The following SLC7A1 variants were observed in gnomAD, a reference collection of about 807,000 sequenced individuals.
SLC7A1 encodes high affinity cationic amino acid transporter 1.
SLC7A1 carries 10 observed loss-of-function variants against 53.9 expected under a neutral mutation model. The ratio of observed to expected loss-of-function variants is 0.19; its 90% CI spans 0.11 to 0.31. The LOEUF (loss-of-function observed/expected upper bound fraction) is 0.31. Ranked by LOEUF, SLC7A1 falls within the 10% of genes least tolerant of loss-of-function variation. The probability of loss-of-function intolerance (pLI) is 1.00; values close to 1 mark genes in which losing one functional copy is unlikely to be tolerated. For missense variants in SLC7A1, 525 were observed against 827.2 expected, an observed-to-expected ratio of 0.63 and a Z score of 4.48; for synonymous variants, 342 against 338.7, an observed-to-expected ratio of 1.01 and a Z score of -0.11.
chr13:29,572,437 CA>C (rs1421478179), intron 1 of SLC7A1, among the ~76,000 whole-genome samples: 1 of 152,174 alleles, frequency 6.6e-6, no homozygotes, highest in African/African-American at 2.4e-5. Context: ...GCTGGAAAGA[CA>C]GAGGGTGGGG....
Position 29,514,159 on chromosome 13 carries a change from G to C in SLC7A1, c.*321C>G. On this transcript the variant is annotated 3_prime_UTR_variant, in exon 13 of 13. Coordinates refer to ENST00000380752, the MANE Select transcript of SLC7A1 (RefSeq NM_003045.5). ...AAGATAAGGAGAGAAGGTGACCTCC[G>C]TTCTGCCTGAGGCTGCGGCAGCTCG... 5.9e-6 allele frequency: 2 copies of C among 339,770 alleles called. No individual in the cohort carries two copies. The allele number at this position is 339,770 out of a possible 1,614,324, so 21.0% of individuals were successfully genotyped here.
At chr13:29,523,182 G>C (rs78005753) in intron 7 of SLC7A1, 84 bp downstream of exon 7, 4 of 1,104,464 alleles carry the variant, frequency 3.6e-6, no homozygotes, top group East Asian at 2.4e-5. Context: ...TGTGTGTCTC[G>C]CATGGCTGTA....
intron 8 of SLC7A1, among the ~76,000 whole-genome samples, chr13:29,521,973 T>C (rs746344990): frequency 3.9e-5 from 6 of 152,216 alleles, no homozygotes; most frequent in Non-Finnish European, 5.9e-5. Context: ...TCCCTTGGCC[T>C]GTGTCATGCA....
At chr13:29,555,186 G>A (rs918046268) in intron 1 of SLC7A1, among the ~76,000 whole-genome samples, 6 of 148,500 alleles carry the variant, frequency 4.0e-5, no homozygotes, top group Non-Finnish European at 7.4e-5. Context: ...GTGAAACCCC[G>A]TCTCTACTAA....
At position 29,517,130 on chromosome 13, in the gene SLC7A1, G is replaced by A; in HGVS notation, c.1677+14C>T. The A allele has an allele frequency of 6.3e-7, 1 of 1,583,226 alleles. No individual in the cohort carries two copies. Among genetic ancestry groups the A allele is most frequent in the Non-Finnish European group, 8.6e-7 (1 of 1,163,298 alleles). On this transcript the variant is annotated intron_variant, in intron 11 of 12. Coordinates refer to ENST00000380752, the MANE Select transcript of SLC7A1 (RefSeq NM_003045.5). Reference sequence around the variant, plus strand: ...CTGTGTACCAGGGTTCCTTCCCTAGGCCGAGCTGCTCACCTTAAATGAGAG... The same window carrying A: ...CTGTGTACCAGGGTTCCTTCCCTAGACCGAGCTGCTCACCTTAAATGAGAG...
chr13:29,539,496 G>T (rs1869571819), intron 2 of SLC7A1, among the ~76,000 whole-genome samples: 1 of 152,174 alleles, frequency 6.6e-6, no homozygotes, highest in South Asian at 2.1e-4. Flanking sequence ...CAAAATGAAG[G>T]GGCAGGTTAT....
At chr13:29,544,281 G>A (rs943981980) in intron 2 of SLC7A1, among the ~76,000 whole-genome samples, 1 of 152,070 alleles carries the variant, frequency 6.6e-6, no homozygotes, top group Admixed American at 6.5e-5. Flanking sequence ...TACGTATGTG[G>A]GTGTAAAATC....
rs751133759 is a variant in SLC7A1, at chr13:29,535,907, C to T, written c.282G>A (p.Thr94=). The change falls in exon 3 of 13, where the codon ACG becomes ACA. Residue 94 remains threonine (T), a synonymous_variant. Transcript: ENST00000380752. ...CATAGCTGTAGAGGTAAGCTGAGCCCGTCTTGGGGACCCGAGCACCAAACT... is the reference window on the plus strand; with the variant it reads ...CATAGCTGTAGAGGTAAGCTGAGCCTGTCTTGGGGACCCGAGCACCAAACT... ...YGEFGARVPK[T]GSAYLYSYVT... 16 of 1,614,154 alleles carry T rather than the reference C, an allele frequency of 9.9e-6. No homozygotes were observed. The highest frequency in any genetic ancestry group is 1.3e-5 in the African/African-American group (1 of 75,050).
chr13:29,550,918 G>A (rs1482200500), intron 2 of SLC7A1, among the ~76,000 whole-genome samples: 1 of 152,186 alleles, frequency 6.6e-6, no homozygotes, highest in African/African-American at 2.4e-5. Context: ...ATCCTTGGGG[G>A]GCTAAGAACC....
rs201036881 is a variant in SLC7A1 at position 29,514,613 on chromosome 13, A to G, written c.1787-30T>C. The G allele has an allele frequency of 4.4e-4, 673 of 1,541,246 alleles. 5 individuals carry two copies. In the African/African-American group the frequency reaches 8.5e-3, roughly 20 times the overall value. On this transcript the variant is annotated intron_variant, in intron 12 of 12. Coordinates refer to ENST00000380752, the MANE Select transcript of SLC7A1 (RefSeq NM_003045.5). The stretch of plus-strand genomic sequence containing the variant: ...GGGCCGACAGCAGAGACGGGCGTGA[A>G]CAGACCGCCGGTTGCACCACCGCAG...
intron 1 of SLC7A1, among the ~76,000 whole-genome samples, chr13:29,574,723 C>G (rs11843711): frequency 6.7e-6 from 1 of 148,510 alleles, no homozygotes; most frequent in Admixed American, 6.8e-5. Context: ...CGGCTCACTG[C>G]AAGCTCCGCC....
chr13:29,563,402 T>G (rs899493862), intron 1 of SLC7A1, among the ~76,000 whole-genome samples: 4 of 152,222 alleles, frequency 2.6e-5, no homozygotes, highest in Admixed American at 1.3e-4. Context: ...ATTGTAATAT[T>G]AAAAATTACA....
At chr13:29,570,149 T>C (rs1312979762) in intron 1 of SLC7A1, among the ~76,000 whole-genome samples, 1 of 152,226 alleles carries the variant, frequency 6.6e-6, no homozygotes, top group Non-Finnish European at 1.5e-5. Context: ...CATGTTCCTC[T>C]GGCATTAAAC....
At chr13:29,571,535 G>A (rs997992698) in intron 1 of SLC7A1, among the ~76,000 whole-genome samples, 2 of 38,936 alleles carry the variant, frequency 5.1e-5, no homozygotes, top group Non-Finnish European at 4.5e-4. Context: ...ACATCTGCCG[G>A]GGGGTCCTCA....
At chr13:29,515,344 T>G (rs541187957) in intron 12 of SLC7A1, among the ~76,000 whole-genome samples, 2 of 152,356 alleles carry the variant, frequency 1.3e-5, no homozygotes, top group South Asian at 4.1e-4. Flanking sequence ...AGAAAGGCTC[T>G]AGGAGACGTC....
intron 2 of SLC7A1, among the ~76,000 whole-genome samples, chr13:29,549,296 G>A (rs1870067827): frequency 6.6e-6 from 1 of 152,176 alleles, no homozygotes; most frequent in African/African-American, 2.4e-5. Flanking sequence ...GGAAGCCAGC[G>A]AAGAACAAGG....
rs1474389411 is a variant in SLC7A1 at position 29,512,600 on chromosome 13, CAA to C, written c.*1878_*1879del. On this transcript the variant is annotated 3_prime_UTR_variant, in exon 13 of 13. Coordinates refer to ENST00000380752, the MANE Select transcript of SLC7A1 (RefSeq NM_003045.5). ...AGCAAATAACTACCAGGTCCTAAGACAAGAGACAACCAAAACCCCAACAAAAT... is the reference window on the plus strand; with the variant it reads ...AGCAAATAACTACCAGGTCCTAAGACGAGACAACCAAAACCCCAACAAAAT... 2 of 152,146 alleles carry C rather than the reference CAA, an allele frequency of 1.3e-5. No homozygotes were observed. Among genetic ancestry groups the C allele is most frequent in the Non-Finnish European group, 2.9e-5 (2 of 68,024 alleles). 9.4% of individuals were successfully genotyped at this position (152,146 alleles called of 1,614,324 possible).
At chr13:29,569,089 C>T (rs1046960093) in intron 1 of SLC7A1, among the ~76,000 whole-genome samples, 6 of 152,116 alleles carry the variant, frequency 3.9e-5, no homozygotes, top group South Asian at 4.2e-4. Context: ...TCAGCTCAGC[C>T]GAGGGCACCT....
chr13:29,527,459 G>A (rs201167379), intron 5 of SLC7A1, among the ~76,000 whole-genome samples: 5 of 109,792 alleles, frequency 4.6e-5, no homozygotes, highest in Admixed American at 2.3e-4. Flanking sequence ...AAACCAAAAC[G>A]TAGAGATATT....
Sources: allele counts gnomAD v4.1 joint callset (sites outside exome capture counted in the v4.1 genomes callset), GRCh38; gene constraint gnomAD v4.1.1; transcripts MANE v1.5; gene names NCBI Gene and HGNC (gene_info 2026-07-23, HGNC 2026-07-21).